Variants in DIP2C observed in about 807,000 individuals in gnomAD.
DIP2C encodes the protein DIP2 acetate--CoA ligase C (putative).
In DIP2C, 33 loss-of-function variants were observed where a neutral mutation model predicts 192.4. The observed-to-expected ratio is 0.17, with a 90% CI of 0.13 to 0.23. The LOEUF (loss-of-function observed/expected upper bound fraction) is 0.23. Among genes scored for constraint, DIP2C ranks in the 10% least tolerant of loss-of-function variants. The probability of loss-of-function intolerance (pLI) is 1.00; values close to 1 mark genes in which losing one functional copy is unlikely to be tolerated. For synonymous variants in DIP2C, 979 were observed against 864.1 expected (o/e 1.13, Z -2.33); for missense variants, 1,537 against 2,110.1 (o/e 0.73, Z 5.32).
intron 35 of DIP2C, among the ~76,000 whole-genome samples, chr10:282,432 C>A (rs762991968): frequency 1.9e-4 from 29 of 152,166 alleles, no homozygotes; most frequent in Non-Finnish European, 4.1e-4. Flanking sequence ...TTGGGCCAGG[C>A]CATTGTAGGT....
intron 4 of DIP2C, among the ~76,000 whole-genome samples, chr10:440,387 G>A (rs1327189651): frequency 3.3e-5 from 5 of 152,172 alleles, no homozygotes; most frequent in Non-Finnish European, 5.9e-5. Flanking sequence ...TGGCCTGCAG[G>A]AACTAAAATA....
chr10:281,414 C>T, intron 35 of DIP2C, 91 bp from the exon 36 acceptor site: 1 of 1,479,748 alleles, frequency 6.8e-7, no homozygotes, highest in Non-Finnish European at 9.0e-7. Context: ...AAACGACCCC[C>T]AAGTGAGACA....
At chr10:384,341 A>G (rs963613404) in intron 15 of DIP2C, among the ~76,000 whole-genome samples, 195 bp from the exon 16 acceptor site, 4 of 116,186 alleles carry the variant, frequency 3.4e-5, no homozygotes, top group Admixed American at 1.3e-4. Flanking sequence ...TGGGTTCAAG[A>G]TTTCTCCTGC....
Position 317,238 on chromosome 10 carries a change from G to A in DIP2C, c.3925-7146C>T, listed in dbSNP as rs1012797896. Among the ~76,000 whole-genome samples the A allele has an allele frequency of 2.6e-5, 4 of 152,246 alleles. No homozygotes were observed. The South Asian group carries it at 8.3e-4, about 31-fold the overall frequency. On this transcript the variant is annotated intron_variant, in intron 31 of 36. Transcript: ENST00000280886. Reference sequence around the variant, plus strand: ...ACTGGTGGGGTGGGGGCCACAGACAGTGTGAACTCAGCTCAGGCCGTCTAC... The same window carrying A: ...ACTGGTGGGGTGGGGGCCACAGACAATGTGAACTCAGCTCAGGCCGTCTAC...
At chr10:530,910 G>C (rs770950327) in intron 1 of DIP2C, among the ~76,000 whole-genome samples, 84 of 152,258 alleles carry the variant, frequency 5.5e-4, no homozygotes, top group Non-Finnish European at 7.6e-4. Context: ...GCCTGGTTTA[G>C]AGGAACGCTG....
intron 7 of DIP2C, among the ~76,000 whole-genome samples, chr10:414,727 G>GTATA (rs1305381030): frequency 1.5e-3 from 106 of 70,384 alleles, no homozygotes; most frequent in African/African-American, 5.6e-3. Context: ...GTGTGTGTGT[G>GTATA]TGTGTGTGTG....
At chr10:592,679 C>G (rs117312679) in intron 1 of DIP2C, among the ~76,000 whole-genome samples, 6 of 152,136 alleles carry the variant, frequency 3.9e-5, no homozygotes, top group African/African-American at 1.2e-4. Context: ...AATGACAACA[C>G]TATTTTTAAT....
intron 28 of DIP2C, among the ~76,000 whole-genome samples, chr10:342,976 G>A (rs896565391): frequency 6.6e-6 from 1 of 152,188 alleles, no homozygotes; most frequent in African/African-American, 2.4e-5. Context: ...CATACAAAAT[G>A]GTCTGATTTT....
At chr10:312,494 C>T (rs1177976470) in intron 31 of DIP2C, among the ~76,000 whole-genome samples, 1 of 152,174 alleles carries the variant, frequency 6.6e-6, no homozygotes, top group African/African-American at 2.4e-5. Context: ...CTAGAGACAG[C>T]AGCTGCAGCA....
chr10:633,583 A>T (rs545095587), intron 1 of DIP2C, among the ~76,000 whole-genome samples: 2 of 152,346 alleles, frequency 1.3e-5, no homozygotes, highest in South Asian at 2.1e-4. Context: ...GCGTCACCCA[A>T]GGCCACTGCA....
intron 7 of DIP2C, among the ~76,000 whole-genome samples, chr10:414,888 GTGTA>G (rs1332814238): frequency 0.29 from 18,826 of 65,158 alleles, 1,967 homozygotes; most frequent in South Asian, 0.35. Context: ...GTGTGTGTGT[GTGTA>G]TATATATATA....
chr10:616,063 T>A (rs1324569286), intron 1 of DIP2C, among the ~76,000 whole-genome samples: 1 of 152,142 alleles, frequency 6.6e-6, no homozygotes, highest in Non-Finnish European at 1.5e-5. Flanking sequence ...CTGGGGCAGA[T>A]CTCCTCCTTG....
chr10:468,679 G>C (rs1970406743), intron 3 of DIP2C, among the ~76,000 whole-genome samples: 1 of 152,160 alleles, frequency 6.6e-6, no homozygotes. Context: ...AGAATCGCTT[G>C]AACCCACGAG....
In DIP2C at chr10:419,098, A is replaced by C; in HGVS notation, c.706T>G (p.Tyr236Asp). Residue 236 changes from tyrosine (Y) to aspartate (D), a missense_variant, in exon 6 of 37, where the codon TAC becomes GAC. By Grantham distance (160) the Tyr-to-Asp change is radical (BLOSUM62 -3). Transcript: ENST00000280886. ...GTCTCCATGAGCTCGGCGTTGCCGT[A>C]CTTGGGCGCTGTCCGGGACCCCGTG... Reference protein sequence around the residue: ...GSTGSRTAPKYGNAELMETGD... With the variant: ...GSTGSRTAPKDGNAELMETGD... The C allele has an allele frequency of 6.2e-7, 1 of 1,614,264 alleles. No homozygotes were observed. Among genetic ancestry groups the C allele is most frequent in the Non-Finnish European group, 8.5e-7 (1 of 1,180,038 alleles).
chr10:389,319 G>C (rs1458990991), intron 13 of DIP2C, among the ~76,000 whole-genome samples: 1 of 152,096 alleles, frequency 6.6e-6, no homozygotes, highest in African/African-American at 2.4e-5. Flanking sequence ...GAGTCTCTGG[G>C]GTCCCCGGGG....
intron 1 of DIP2C, among the ~76,000 whole-genome samples, chr10:534,368 A>C (rs1847579209): frequency 1.3e-5 from 2 of 152,212 alleles, no homozygotes; most frequent in Non-Finnish European, 2.9e-5. Context: ...GGCAGGAGGG[A>C]AGCAGCCTGG....
chr10:358,345 C>T (rs773011710), intron 22 of DIP2C, among the ~76,000 whole-genome samples: 20 of 151,246 alleles, frequency 1.3e-4, no homozygotes, highest in Non-Finnish European at 4.4e-5. Context: ...GGGGTCCACA[C>T]ACCTGAGAGC....
chr10:283,867 T>C (rs1403057128), intron 34 of DIP2C, among the ~76,000 whole-genome samples: 1 of 152,158 alleles, frequency 6.6e-6, no homozygotes, highest in African/African-American at 2.4e-5. Context: ...CTAATACTTT[T>C]GGACATATAT....
At chr10:283,870 A>G (rs958580258) in intron 34 of DIP2C, among the ~76,000 whole-genome samples, 5 of 152,236 alleles carry the variant, frequency 3.3e-5, no homozygotes, top group African/African-American at 1.2e-4. Context: ...ATACTTTTGG[A>G]CATATATTGC....
Sources: gnomAD v4.1 joint callset for allele counts (sites outside exome capture counted in the v4.1 genomes callset) on GRCh38, gnomAD v4.1.1 for gene constraint, MANE v1.5 for transcripts, NCBI Gene and HGNC (gene_info 2026-07-23, HGNC 2026-07-21) for gene names.